The following ARHGAP10 variants were observed in gnomAD, a reference collection of about 807,000 sequenced individuals.
The protein encoded by ARHGAP10 is Rho GTPase activating protein 10.
A neutral mutation model predicts 108.6 loss-of-function variants in ARHGAP10; 87 were observed. The ratio of observed to expected loss-of-function variants is 0.80; its 90% CI spans 0.67 to 0.96. The LOEUF (loss-of-function observed/expected upper bound fraction) is 0.96, where lower values mean the gene tolerates loss of function less well. Ranked by LOEUF, ARHGAP10 falls within the 40% of genes least tolerant of loss-of-function variation. The pLI, the probability that ARHGAP10 is intolerant of heterozygous loss-of-function variation, is 0.00. For synonymous variants in ARHGAP10, 347 were observed against 341.1 expected (o/e 1.02, Z -0.19); for missense variants, 939 against 954.5 (o/e 0.98, Z 0.21).
intron 15 of ARHGAP10, among the ~76,000 whole-genome samples, chr4:147,949,307 A>T (rs1474749360): frequency 6.6e-6 from 1 of 152,236 alleles, no homozygotes; most frequent in Non-Finnish European, 1.5e-5. Context: ...TGTTACTCCC[A>T]ACTCTAGGAT....
intron 1 of ARHGAP10, among the ~76,000 whole-genome samples, chr4:147,743,178 C>T (rs190759112): frequency 1.3e-5 from 2 of 151,774 alleles, no homozygotes; most frequent in East Asian, 3.9e-4. Context: ...GGATTACAGG[C>T]GTGCACCACC....
intron 18 of ARHGAP10, among the ~76,000 whole-genome samples, chr4:148,020,773 A>G (rs924721760): frequency 6.6e-6 from 1 of 152,156 alleles, no homozygotes; most frequent in Non-Finnish European, 1.5e-5. Context: ...GTGTATCTTT[A>G]TAACAGAATG....
Position 148,063,223 on chromosome 4 carries a change from T to C in ARHGAP10, c.2103T>C (p.Ala701=). ...QSPTTTSSNS[A]VTPLSPGSSP... ...CAACCACAACAAGCTCCAACTCAGC[T>C]GTGACACCTCTTTCACCCGGGTCGT... Residue 701 remains alanine, a synonymous_variant, in exon 21 of 23, where the codon GCT becomes GCC. Transcript: ENST00000336498. 1 of 1,614,226 alleles carries C rather than the reference T, an allele frequency of 6.2e-7. No individual in the cohort carries two copies. Among genetic ancestry groups the C allele is most frequent in the African/African-American group, 1.3e-5 (1 of 75,066 alleles).
At chr4:147,963,579 G>A (rs561423424) in intron 16 of ARHGAP10, among the ~76,000 whole-genome samples, 26 of 152,296 alleles carry the variant, frequency 1.7e-4, no homozygotes, top group Non-Finnish European at 3.1e-4. Flanking sequence ...TAAGAGCCAC[G>A]TATAATAATT....
intron 1 of ARHGAP10, among the ~76,000 whole-genome samples, chr4:147,816,584 C>G (rs1732256302): frequency 6.6e-6 from 1 of 152,256 alleles, no homozygotes; most frequent in Non-Finnish European, 1.5e-5. Context: ...CCATGAGCTG[C>G]TTCTGGAACA....
At chr4:148,047,880 T>C (rs34924031) in intron 20 of ARHGAP10, among the ~76,000 whole-genome samples, 9,027 of 152,224 alleles carry the variant, frequency 0.059, 349 homozygotes, top group South Asian at 0.19. Flanking sequence ...TGGAGTGCAG[T>C]GGTACCATCT....
Position 147,810,885 on chromosome 4 carries a change from CTG to C in ARHGAP10, c.155-11839_155-11838del, listed in dbSNP as rs375457536. On this transcript the variant is annotated intron_variant, in intron 1 of 22. Coordinates refer to ENST00000336498, the MANE Select transcript of ARHGAP10 (RefSeq NM_024605.4). ...AACAAATACTAATTGAGCATCTACT[CTG>C]TGCCTCATTTTGTTCTAGATCCTGT... Among the ~76,000 whole-genome samples, 142 of 152,344 alleles carry C rather than the reference CTG, an allele frequency of 9.3e-4. 1 individual carries two copies. Among genetic ancestry groups the C allele is most frequent in the African/African-American group, 3.3e-3 (138 of 41,576 alleles).
At chr4:147,766,125 AAAAT>A (rs199696238) in intron 1 of ARHGAP10, among the ~76,000 whole-genome samples, 3,276 of 152,136 alleles carry the variant, frequency 0.022, 52 homozygotes, top group Non-Finnish European at 0.032. Flanking sequence ...TACTGGAAAA[AAAAT>A]AAATAAATAA....
At chr4:148,025,421 A>G (rs999488083) in intron 19 of ARHGAP10, among the ~76,000 whole-genome samples, 3 of 151,962 alleles carry the variant, frequency 2.0e-5, no homozygotes, top group African/African-American at 4.8e-5. Context: ...GGTCATAGTG[A>G]TTTAATCTTA....
chr4:147,750,599 A>G (rs548055224), intron 1 of ARHGAP10, among the ~76,000 whole-genome samples: 2 of 150,964 alleles, frequency 1.3e-5, no homozygotes, highest in African/African-American at 2.4e-5. Context: ...CATATAAAAT[A>G]TCTTTTTTTT....
intron 1 of ARHGAP10, among the ~76,000 whole-genome samples, chr4:147,792,562 A>G (rs1731161114): frequency 1.3e-5 from 2 of 150,160 alleles, no homozygotes; most frequent in East Asian, 1.9e-4. Context: ...GCTTCTCCTC[A>G]CTCCGTCTCT....
intron 4 of ARHGAP10, among the ~76,000 whole-genome samples, chr4:147,856,595 C>T (rs960413011): frequency 1.3e-5 from 2 of 152,154 alleles, no homozygotes; most frequent in Admixed American, 6.5e-5. Context: ...TACCTTTAGG[C>T]TATGTGTGAT....
intron 17 of ARHGAP10, among the ~76,000 whole-genome samples, chr4:147,965,840 G>A (rs951546874): frequency 6.6e-6 from 1 of 152,078 alleles, no homozygotes; most frequent in Admixed American, 6.6e-5. Context: ...TACTTTCTAA[G>A]GGAAAATATG....
intron 9 of ARHGAP10, 65 bp from the exon 10 acceptor site, chr4:147,881,773 G>T: frequency 1.4e-6 from 2 of 1,462,456 alleles, no homozygotes; most frequent in South Asian, 1.2e-5. Context: ...CTCCAGTATA[G>T]AATGGCTGAG....
chr4:147,880,417 A>G (rs1352682634), intron 9 of ARHGAP10, among the ~76,000 whole-genome samples: 1 of 152,228 alleles, frequency 6.6e-6, no homozygotes, highest in Non-Finnish European at 1.5e-5. Context: ...AGGAGAAGGA[A>G]GTGAGGAGAT....
At chr4:147,781,663 AT>A (rs1229880697) in intron 1 of ARHGAP10, among the ~76,000 whole-genome samples, 3 of 132,954 alleles carry the variant, frequency 2.3e-5, no homozygotes, top group African/African-American at 5.8e-5. Context: ...GTTTTCTTTC[AT>A]TTTTTTCTTT....
intron 18 of ARHGAP10, among the ~76,000 whole-genome samples, chr4:147,992,886 T>A (rs745373725): frequency 2.6e-5 from 4 of 152,190 alleles, no homozygotes; most frequent in African/African-American, 4.8e-5. Context: ...TCTATTGTTT[T>A]GCGATGCTCT....
chr4:148,072,490 C>T lies in ARHGAP10; in HGVS notation c.*409C>T, dbSNP rs1730225937. 1.2e-5 allele frequency: 2 copies of T among 172,028 alleles called. No homozygotes were observed. Among genetic ancestry groups the T allele is most frequent in the African/African-American group, 2.4e-5 (1 of 42,128 alleles). The allele number at this position is 172,028 out of a possible 1,614,324, so 10.7% of individuals were successfully genotyped here. On this transcript the variant is annotated 3_prime_UTR_variant, in exon 23 of 23. Coordinates refer to ENST00000336498, the MANE Select transcript of ARHGAP10 (RefSeq NM_024605.4). ...TGCGATTTTAAAGGGAACTGTACTA[C>T]TCGCAGTGATAGGTTTGCAGAGTGT...
intron 3 of ARHGAP10, among the ~76,000 whole-genome samples, chr4:147,837,623 C>T (rs1019734849): frequency 4.5e-5 from 6 of 132,390 alleles, no homozygotes; most frequent in Non-Finnish European, 8.0e-5. Flanking sequence ...GCTGCCACCT[C>T]GCTAGAATCT....
Sources: allele counts gnomAD v4.1 joint callset (sites outside exome capture counted in the v4.1 genomes callset), GRCh38; gene constraint gnomAD v4.1.1; transcripts MANE v1.5; gene names NCBI Gene and HGNC (gene_info 2026-07-23, HGNC 2026-07-21).